Variants in CHN1 observed in about 807,000 individuals in gnomAD.
CHN1 encodes the protein chimerin 1.
Under a neutral mutation model 59.5 loss-of-function variants are expected in CHN1, and 37 were observed. That is an observed-to-expected ratio of 0.62 (90% confidence interval 0.48 to 0.82). CHN1 has a LOEUF of 0.82. CHN1 is among the 40% of genes least tolerant of loss of function. The pLI, the probability that CHN1 is intolerant of heterozygous loss-of-function variation, is 0.00. For missense variants in CHN1, 469 were observed against 571.0 expected (o/e 0.82, Z 1.82); for synonymous variants, 206 against 200.4 (o/e 1.03, Z -0.24).
Position 174,800,013 on chromosome 2 carries a change from C to G in CHN1, c.*103G>C. 1.8e-6 allele frequency: 2 copies of G among 1,131,484 alleles called. No homozygotes were observed. The highest frequency in any genetic ancestry group is 2.6e-6 in the Non-Finnish European group (2 of 776,540). 70.1% of individuals were successfully genotyped at this position (1,131,484 alleles called of 1,614,324 possible). A position where few individuals can be genotyped will look rare whatever the true frequency, so the allele number is the denominator to read the frequency against. On this transcript the variant is annotated 3_prime_UTR_variant, in exon 13 of 13. Transcript: ENST00000409900. The stretch of plus-strand genomic sequence containing the variant: ...CCTTCACTTTAATCTGGTTATATGC[C>G]CAAACCTCTAATCAAGAAATAATGC...
At chr2:174,990,988 A>AT in intron 1 of CHN1, among the ~76,000 whole-genome samples, 1 of 152,352 alleles carries the variant, frequency 6.6e-6, no homozygotes, top group Admixed American at 6.5e-5. Flanking sequence ...AGAATTAAAT[A>AT]TTATAATAAG....
At chr2:174,888,573 G>A (rs563677633) in intron 5 of CHN1, among the ~76,000 whole-genome samples, 8 of 152,178 alleles carry the variant, frequency 5.3e-5, no homozygotes, top group Non-Finnish European at 8.8e-5. Context: ...ATACCTTTAA[G>A]AGAACTTCAG....
At chr2:174,879,099 T>G (rs1470444500) in intron 5 of CHN1, among the ~76,000 whole-genome samples, 1 of 152,104 alleles carries the variant, frequency 6.6e-6, no homozygotes, top group Non-Finnish European at 1.5e-5. Flanking sequence ...ACTAAACAAG[T>G]CACAAAGGAT....
At chr2:174,851,274 C>T (rs1686719785) in intron 6 of CHN1, among the ~76,000 whole-genome samples, 1 of 152,050 alleles carries the variant, frequency 6.6e-6, no homozygotes, top group East Asian at 1.9e-4. Flanking sequence ...GTTGTGGGAC[C>T]TGATCCTGCC....
intron 7 of CHN1, among the ~76,000 whole-genome samples, chr2:174,840,079 A>G (rs1455323453): frequency 6.6e-6 from 1 of 151,900 alleles, no homozygotes; most frequent in East Asian, 1.9e-4. Flanking sequence ...GAAATATTGA[A>G]CCATGAGGAA....
intron 3 of CHN1, among the ~76,000 whole-genome samples, chr2:174,923,265 T>C (rs116058733): frequency 0.026 from 3,970 of 152,110 alleles, 192 homozygotes; most frequent in African/African-American, 0.091. Context: ...CTCAGCCTCC[T>C]GAGTAGCTGG....
intron 1 of CHN1, among the ~76,000 whole-genome samples, chr2:174,971,752 T>C (rs1002861836): frequency 2.0e-5 from 3 of 152,200 alleles, no homozygotes; most frequent in South Asian, 2.1e-4. Context: ...ACCAAGATCA[T>C]GTGCCTCCAG....
chr2:174,803,595 C>A (rs555397994), intron 11 of CHN1, among the ~76,000 whole-genome samples: 3 of 152,322 alleles, frequency 2.0e-5, no homozygotes, highest in Admixed American at 6.5e-5. Context: ...AGCTCTGTCA[C>A]CCAGGCTGAA....
rs1359913099 is a variant in CHN1 at position 174,927,900 on chromosome 2, A to G, written c.115-9335T>C. ...ACATACATGAAAATAATATGACTACACTGGCAAAATAGTACTTTTTTTTCA... is the reference window on the plus strand; with the variant it reads ...ACATACATGAAAATAATATGACTACGCTGGCAAAATAGTACTTTTTTTTCA... On this transcript the variant is annotated intron_variant, in intron 3 of 12. Coordinates refer to ENST00000409900, the MANE Select transcript of CHN1 (RefSeq NM_001822.7). Among the ~76,000 whole-genome samples the G allele has an allele frequency of 3.3e-5, 5 of 152,188 alleles. No homozygotes were observed. In the East Asian group the frequency reaches 7.7e-4, roughly 23 times the overall value.
chr2:174,938,357 A>G (rs765422273), intron 3 of CHN1, among the ~76,000 whole-genome samples: 1 of 146,002 alleles, frequency 6.8e-6, no homozygotes, highest in Non-Finnish European at 1.5e-5. Context: ...TTTCTAATGG[A>G]CATTCAAGTT....
At chr2:174,987,819 C>T (rs1691398957) in intron 1 of CHN1, among the ~76,000 whole-genome samples, 1 of 152,112 alleles carries the variant, frequency 6.6e-6, no homozygotes, top group Non-Finnish European at 1.5e-5. Context: ...ATTTTAATAA[C>T]TGTTGAGACT....
intron 2 of CHN1, among the ~76,000 whole-genome samples, chr2:174,946,849 A>G (rs1385877196): frequency 1.4e-5 from 2 of 146,244 alleles, no homozygotes; most frequent in Non-Finnish European, 3.0e-5. Context: ...GGATCATTTG[A>G]GCTCAAGAGA....
At chr2:174,910,395 T>A (rs567960451) in intron 5 of CHN1, among the ~76,000 whole-genome samples, 43 of 152,158 alleles carry the variant, frequency 2.8e-4, no homozygotes, top group Non-Finnish European at 3.8e-4. Flanking sequence ...AAAGAATTTT[T>A]TTTTTTTAAT....
intron 1 of CHN1, among the ~76,000 whole-genome samples, chr2:174,971,167 A>C (rs1222939911): frequency 6.6e-6 from 1 of 152,090 alleles, no homozygotes; most frequent in Non-Finnish European, 1.5e-5. Flanking sequence ...AAATACAAAA[A>C]ATAAGCCGAG....
In CHN1 at chr2:175,005,057, T is replaced by G. The variant is rs1692020464; in HGVS notation, c.-145A>C. 7.4e-7 allele frequency: 1 copy of G among 1,353,920 alleles called. No homozygotes were observed. Among genetic ancestry groups the G allele is most frequent in the Non-Finnish European group, 9.5e-7 (1 of 1,048,696 alleles). The allele number at this position is 1,353,920 out of a possible 1,614,324, so 83.9% of individuals were successfully genotyped here. ...TGGGGGCGCCGGCGCCCGGGGAGGC[T>G]GCAGGCCGGGACGCGGGGGACCGCT... is the stretch of plus-strand genomic sequence containing the variant. On this transcript the variant is annotated 5_prime_UTR_variant, in exon 1 of 13. Transcript: ENST00000409900.
At chr2:174,809,165 A>G in intron 10 of CHN1, 123 bp from the exon 11 acceptor site, 1 of 884,122 alleles carries the variant, frequency 1.1e-6, no homozygotes, top group South Asian at 2.1e-5. Flanking sequence ...TTTAACGTAA[A>G]ATTTAGTGTG....
intron 3 of CHN1, among the ~76,000 whole-genome samples, chr2:174,927,466 TA>T (rs1689210014): frequency 1.3e-5 from 2 of 152,256 alleles, no homozygotes; most frequent in Admixed American, 1.3e-4. Context: ...AAAGCTTTTT[TA>T]ATGTAGAAGT....
At chr2:174,839,427 G>A (rs1686210036) in intron 7 of CHN1, among the ~76,000 whole-genome samples, 1 of 152,028 alleles carries the variant, frequency 6.6e-6, no homozygotes, top group Admixed American at 6.6e-5. Flanking sequence ...AGTCACAGAA[G>A]GACAAATATT....
At chr2:174,947,475 T>C (rs1016160835) in intron 2 of CHN1, among the ~76,000 whole-genome samples, 1 of 146,310 alleles carries the variant, frequency 6.8e-6, no homozygotes, top group Non-Finnish European at 1.5e-5. Flanking sequence ...TTTAAGACTC[T>C]TTTTTTTTTT....
Sources: allele counts gnomAD v4.1 joint callset (sites outside exome capture counted in the v4.1 genomes callset), GRCh38; gene constraint gnomAD v4.1.1; transcripts MANE v1.5; gene names NCBI Gene and HGNC (gene_info 2026-07-23, HGNC 2026-07-21).